Variants in KLHL1 observed in about 807,000 individuals in gnomAD.
KLHL1 encodes the protein kelch like family member 1, also known as kelch-like protein 1.
KLHL1 carries 47 observed loss-of-function variants against 77.7 expected under a neutral mutation model. That is an observed-to-expected ratio of 0.60 (90% confidence interval 0.48 to 0.77). The LOEUF is 0.77. Ranked by LOEUF, KLHL1 falls within the 30% of genes least tolerant of loss-of-function variation. The probability of loss-of-function intolerance (pLI) is 0.00; values close to 1 mark genes in which losing one functional copy is unlikely to be tolerated. For synonymous variants in KLHL1, 360 were observed against 325.2 expected (o/e 1.11, Z -1.15); for missense variants, 925 against 910.8 (o/e 1.02, Z -0.20).
At chr13:70,063,473 G>C (rs1886938412) in intron 1 of KLHL1, among the ~76,000 whole-genome samples, 1 of 151,894 alleles carries the variant, frequency 6.6e-6, no homozygotes, top group Non-Finnish European at 1.5e-5. Context: ...TGTTTACATT[G>C]TTAATTTCAC....
At chr13:70,042,595 T>C (rs1298719658) in intron 1 of KLHL1, among the ~76,000 whole-genome samples, 1 of 152,144 alleles carries the variant, frequency 6.6e-6, no homozygotes. Context: ...GCCAGCTCTA[T>C]AAAAAATACA....
Position 70,010,031 on chromosome 13 carries a change from G to GA in KLHL1, c.498-34230dup, listed in dbSNP as rs531992455. ...TATGGAAAGTGCATTACAAGAAGGA[G>GA]AAAAAAAAAAGCAAGGCATGAGAAT... On this transcript the variant is annotated intron_variant, in intron 1 of 10. Transcript: ENST00000377844. Among the ~76,000 whole-genome samples the GA allele has an allele frequency of 3.1e-3, 448 of 144,864 alleles. 1 individual carries two copies. The highest frequency in any genetic ancestry group is 0.011 in the African/African-American group (426 of 39,610).
chr13:70,080,856 C>T (rs1887376052), intron 1 of KLHL1, among the ~76,000 whole-genome samples: 2 of 152,148 alleles, frequency 1.3e-5, no homozygotes, highest in Non-Finnish European at 2.9e-5. Context: ...CTGCCTCAGC[C>T]TCCCAAAGTG....
At chr13:69,790,938 C>A (rs574228607) in intron 7 of KLHL1, among the ~76,000 whole-genome samples, 2 of 152,022 alleles carry the variant, frequency 1.3e-5, no homozygotes, top group African/African-American at 4.8e-5. Context: ...ATATAAGGGA[C>A]CTTTCTCAGC....
chr13:69,916,253 G>A (rs1882431660), intron 4 of KLHL1, among the ~76,000 whole-genome samples: 1 of 152,080 alleles, frequency 6.6e-6, no homozygotes, highest in Admixed American at 6.5e-5. Context: ...TATACCCAAA[G>A]GATTACAAAT....
intron 4 of KLHL1, among the ~76,000 whole-genome samples, chr13:69,900,088 T>A (rs1881802338): frequency 6.6e-6 from 1 of 152,140 alleles, no homozygotes; most frequent in Admixed American, 6.6e-5. Context: ...TCCTTCAACC[T>A]TGGAGCGGGG....
chr13:69,882,256 T>C, intron 5 of KLHL1, 27 bp downstream of exon 5: 1 of 1,483,166 alleles, frequency 6.7e-7, no homozygotes, highest in South Asian at 1.1e-5. Context: ...ACATTGAATC[T>C]ATTTAAACAG....
intron 4 of KLHL1, among the ~76,000 whole-genome samples, chr13:69,889,350 G>T (rs1213561607): frequency 6.6e-6 from 1 of 151,986 alleles, no homozygotes; most frequent in Admixed American, 6.6e-5. Flanking sequence ...ATCACAACTT[G>T]TTATTTTACC....
intron 1 of KLHL1, among the ~76,000 whole-genome samples, chr13:70,010,541 G>A (rs550379308): frequency 1.3e-5 from 2 of 152,122 alleles, no homozygotes; most frequent in African/African-American, 2.4e-5. Context: ...CCACATGGGG[G>A]TACATAGTAA....
In KLHL1 at chr13:70,089,730, A is replaced by C. The variant is rs140931826; in HGVS notation, c.497+17473T>G. ...AAAACATGTATTTTTGGCTTTAAAA[A>C]CAATATTAGGTATATTTCACAAGAG... On this transcript the variant is annotated intron_variant, in intron 1 of 10. Transcript: ENST00000377844. Among the ~76,000 whole-genome samples, 407 of 152,238 alleles carry C rather than the reference A, an allele frequency of 2.7e-3. 2 individuals are homozygous for C. The highest frequency in any genetic ancestry group is 9.4e-3 in the African/African-American group (390 of 41,564).
intron 1 of KLHL1, among the ~76,000 whole-genome samples, chr13:70,092,625 T>C (rs1252125842): frequency 6.6e-6 from 1 of 152,166 alleles, no homozygotes; most frequent in African/African-American, 2.4e-5. Context: ...CAATGGATTA[T>C]ATATACATAT....
intron 1 of KLHL1, among the ~76,000 whole-genome samples, chr13:70,034,950 CA>C (rs1230997285): frequency 6.6e-6 from 1 of 152,022 alleles, no homozygotes. Flanking sequence ...GTGTCCTTCA[CA>C]AAATCCATTG....
At chr13:69,838,564 T>C (rs1326182982) in intron 6 of KLHL1, among the ~76,000 whole-genome samples, 1 of 151,904 alleles carries the variant, frequency 6.6e-6, no homozygotes, top group African/African-American at 2.4e-5. Flanking sequence ...TTTATAATTG[T>C]CTATTTATTT....
intron 1 of KLHL1, among the ~76,000 whole-genome samples, chr13:70,036,699 CTTAT>C (rs1203536200): frequency 6.6e-6 from 1 of 151,788 alleles, no homozygotes; most frequent in Non-Finnish European, 1.5e-5. Flanking sequence ...AGGATATTCC[CTTAT>C]TTAAATTTCC....
At chr13:69,757,480 C>T (rs571315575) in intron 7 of KLHL1, among the ~76,000 whole-genome samples, 47 of 152,184 alleles carry the variant, frequency 3.1e-4, no homozygotes, top group African/African-American at 1.0e-3. Context: ...CAGTAGTCCC[C>T]ATATAACTTA....
At chr13:69,868,897 A>C (rs997057402) in intron 5 of KLHL1, among the ~76,000 whole-genome samples, 1 of 152,164 alleles carries the variant, frequency 6.6e-6, no homozygotes, top group Non-Finnish European at 1.5e-5. Context: ...AGTATAGTAC[A>C]AGTTTTGAAG....
intron 8 of KLHL1, among the ~76,000 whole-genome samples, chr13:69,721,096 T>TATATATATATATATA (rs1593772228): frequency 2.6e-5 from 2 of 76,234 alleles, no homozygotes; most frequent in Non-Finnish European, 5.6e-5. Context: ...TGTACCTCCC[T>TATATATATATATATA]TACAAGGAAT....
intron 6 of KLHL1, among the ~76,000 whole-genome samples, chr13:69,824,689 A>G (rs1878475379): frequency 6.6e-6 from 1 of 152,154 alleles, no homozygotes; most frequent in Admixed American, 6.6e-5. Context: ...AAGTCTACAA[A>G]TAGGCAAAAC....
chr13:69,717,222 A>G (rs1991072), intron 9 of KLHL1, among the ~76,000 whole-genome samples: 51,769 of 152,092 alleles, frequency 0.34, 8,990 homozygotes, highest in Non-Finnish European at 0.37. Flanking sequence ...AGCATTGCAC[A>G]CTATTCTTGC....
Sources: allele counts gnomAD v4.1 joint callset (sites outside exome capture counted in the v4.1 genomes callset), GRCh38; gene constraint gnomAD v4.1.1; transcripts MANE v1.5; gene names NCBI Gene and HGNC (gene_info 2026-07-23, HGNC 2026-07-21).